The following PAPSS2 variants were observed in gnomAD, a reference collection of about 807,000 sequenced individuals.
The protein encoded by PAPSS2 is bifunctional 3'-phosphoadenosine 5'-phosphosulfate synthase 2.
Under a neutral mutation model 66.5 loss-of-function variants are expected in PAPSS2, and 61 were observed. That is an observed-to-expected ratio of 0.92 (90% CI 0.75 to 1.14). PAPSS2 has a LOEUF of 1.14. Among genes scored for constraint, PAPSS2 ranks in the 50% most tolerant of loss-of-function variants. The pLI is 0.00. For synonymous variants in PAPSS2, 289 were observed against 287.5 expected, an observed-to-expected ratio of 1.01 and a Z score of -0.05; for missense variants, 708 against 789.6, an observed-to-expected ratio of 0.90 and a Z score of 1.24.
At chr10:87,667,782 G>T (rs973238865) in intron 1 of PAPSS2, among the ~76,000 whole-genome samples, 2 of 152,166 alleles carry the variant, frequency 1.3e-5, no homozygotes, top group Admixed American at 6.5e-5. Flanking sequence ...TGACAATAAA[G>T]ATTTTTTAAA....
chr10:87,680,752 C>T (rs1853009536), intron 1 of PAPSS2, among the ~76,000 whole-genome samples: 1 of 152,028 alleles, frequency 6.6e-6, no homozygotes, highest in Non-Finnish European at 1.5e-5. Flanking sequence ...CAGAATACTA[C>T]CTGAATCCCA....
intron 9 of PAPSS2, among the ~76,000 whole-genome samples, chr10:87,735,218 A>G (rs377585949): frequency 6.6e-6 from 1 of 152,082 alleles, no homozygotes; most frequent in African/African-American, 2.4e-5. Context: ...GAGCCTCTGG[A>G]TCTCCCTTCC....
At chr10:87,736,017 T>C (rs1853794249) in intron 9 of PAPSS2, among the ~76,000 whole-genome samples, 2 of 152,144 alleles carry the variant, frequency 1.3e-5, no homozygotes, top group Non-Finnish European at 2.9e-5. Context: ...GCCTCCCTCT[T>C]CTCTGCTAAC....
Position 87,745,250 on chromosome 10 carries a change from A to G in PAPSS2, c.1721+19A>G, listed in dbSNP as rs1853923315. 2.5e-6 allele frequency: 4 copies of G among 1,574,334 alleles called. No individual in the cohort carries two copies. The highest frequency in any genetic ancestry group is 3.5e-6 in the Non-Finnish European group (4 of 1,154,900). On this transcript the variant is annotated intron_variant, in intron 12 of 12. Transcript: ENST00000456849. The stretch of plus-strand genomic sequence containing the variant: ...CAGCAAGGTAGGTTTTCAGAGGAAA[A>G]TTCTTTTATCAACATCTGTATAAAA...
At chr10:87,706,100 A>ATATATATATATATATAT (rs1554864728) in intron 1 of PAPSS2, among the ~76,000 whole-genome samples, 1 of 80,358 alleles carries the variant, frequency 1.2e-5, no homozygotes, top group African/African-American at 7.7e-5. Context: ...ATATATATAT[A>ATATATATATATATATAT]TATATATATG....
At chr10:87,696,477 C>G (rs1457771060) in intron 1 of PAPSS2, among the ~76,000 whole-genome samples, 5 of 152,208 alleles carry the variant, frequency 3.3e-5, no homozygotes, top group African/African-American at 1.2e-4. Context: ...GTCTCACTGG[C>G]TTTCTCTCAA....
At chr10:87,689,622 G>A (rs1399361869) in intron 1 of PAPSS2, among the ~76,000 whole-genome samples, 19 of 144,752 alleles carry the variant, frequency 1.3e-4, no homozygotes, top group East Asian at 2.0e-4. Flanking sequence ...AGCCGAGATC[G>A]TGCCATTGCA....
chr10:87,709,745 C>T (rs1353668908), intron 2 of PAPSS2, among the ~76,000 whole-genome samples: 4 of 152,152 alleles, frequency 2.6e-5, no homozygotes, highest in Non-Finnish European at 5.9e-5. Context: ...GTTATTGTTG[C>T]CTAATGTTTT....
chr10:87,706,375 A>C (rs1462078721), intron 1 of PAPSS2, among the ~76,000 whole-genome samples: 1 of 151,778 alleles, frequency 6.6e-6, no homozygotes, highest in African/African-American at 2.4e-5. Flanking sequence ...CTTGAACTTA[A>C]TGGCATTAAT....
At chr10:87,701,470 G>A (rs1001816406) in intron 1 of PAPSS2, among the ~76,000 whole-genome samples, 1 of 147,874 alleles carries the variant, frequency 6.8e-6, no homozygotes, top group Admixed American at 6.9e-5. Context: ...TGCCAAGACT[G>A]GAGTTCAGTA....
chr10:87,727,201 G>A, intron 8 of PAPSS2, 83 bp from the exon 9 acceptor site: 1 of 1,144,494 alleles, frequency 8.7e-7, no homozygotes, highest in East Asian at 2.3e-5. Context: ...TGTTTGGAAG[G>A]GGCATTGTGC....
At chr10:87,708,675 G>A (rs910909559) in intron 1 of PAPSS2, among the ~76,000 whole-genome samples, 3 of 152,160 alleles carry the variant, frequency 2.0e-5, no homozygotes, top group Non-Finnish European at 4.4e-5. Context: ...AAATTTTCCA[G>A]TTTGAATTAT....
At chr10:87,664,587 CT>C (rs1199016500) in intron 1 of PAPSS2, among the ~76,000 whole-genome samples, 1 of 152,100 alleles carries the variant, frequency 6.6e-6, no homozygotes, top group Non-Finnish European at 1.5e-5. Flanking sequence ...TCTTTTATCA[CT>C]TTTCTGTTGA....
chr10:87,742,108 A>G (rs1403381428), intron 10 of PAPSS2, among the ~76,000 whole-genome samples: 3 of 152,176 alleles, frequency 2.0e-5, no homozygotes, highest in African/African-American at 4.8e-5. Flanking sequence ...TTCTATTGGT[A>G]TGTCTATAAT....
intron 1 of PAPSS2, among the ~76,000 whole-genome samples, chr10:87,690,945 A>G (rs934084309): frequency 1.3e-5 from 2 of 152,114 alleles, no homozygotes; most frequent in African/African-American, 4.8e-5. Flanking sequence ...CCCTGTGTTC[A>G]TGCTCTTAAC....
chr10:87,746,110 A>ATT lies in PAPSS2; in HGVS notation c.*140_*141insTT. 1 of 544,354 alleles carries ATT rather than the reference A, an allele frequency of 1.8e-6. No individual in the cohort carries two copies. The highest frequency in any genetic ancestry group is 3.1e-6 in the Non-Finnish European group (1 of 325,218). The allele number at this position is 544,354 out of a possible 1,614,324, so 33.7% of individuals were successfully genotyped here. ...GAAGTAAAAGTTGTGTCTATAATTA[A>ATT]AAAAAAATATATATATATACACACA... On this transcript the variant is annotated 3_prime_UTR_variant, in exon 13 of 13. Coordinates refer to ENST00000456849, the MANE Select transcript of PAPSS2 (RefSeq NM_001015880.2).
chr10:87,729,501 T>C (rs554914592), intron 9 of PAPSS2, among the ~76,000 whole-genome samples: 1 of 152,312 alleles, frequency 6.6e-6, no homozygotes, highest in Admixed American at 6.5e-5. Context: ...ATGTTGTGTG[T>C]GTTCTGCCTT....
At chr10:87,701,374 TTCTTTCTTTCTTTCTTTCTTTCTC>T (rs1853310607) in intron 1 of PAPSS2, among the ~76,000 whole-genome samples, 1 of 112,524 alleles carries the variant, frequency 8.9e-6, no homozygotes, top group African/African-American at 4.2e-5. Context: ...CTTTCTTTCT[TTCTTTCTTTCTTTCTTTCTTTCTC>T]TTTCTTTCTC....
intron 1 of PAPSS2, among the ~76,000 whole-genome samples, chr10:87,706,102 A>ATGTGTGTGTGTG (rs1305933544): frequency 1.3e-5 from 1 of 78,316 alleles, no homozygotes; most frequent in South Asian, 5.5e-4. Context: ...ATATATATAT[A>ATGTGTGTGTGTG]TATATATGTG....
Sources: allele counts gnomAD v4.1 joint callset (sites outside exome capture counted in the v4.1 genomes callset), GRCh38; gene constraint gnomAD v4.1.1; transcripts MANE v1.5; gene names NCBI Gene and HGNC (gene_info 2026-07-23, HGNC 2026-07-21).